GHR: variants seen among roughly 807,000 people sequenced by gnomAD.
GHR encodes the protein growth hormone receptor, also known as GH receptor.
Under a neutral mutation model 67.1 loss-of-function variants are expected in GHR, and 35 were observed. That is an observed-to-expected ratio of 0.52 (90% confidence interval 0.40 to 0.69). The LOEUF is 0.69. Ranked by LOEUF, GHR falls within the 30% of genes least tolerant of loss-of-function variation. The pLI is 0.00. For synonymous variants in GHR, 272 were observed against 269.1 expected (o/e 1.01, Z -0.10); for missense variants, 792 against 764.6 (o/e 1.04, Z -0.42).
At chr5:42,548,396 C>G (rs1348364673) in intron 1 of GHR, 1 of 984,984 alleles carries the variant, frequency 1.0e-6, no homozygotes, top group Non-Finnish European at 1.2e-6. Flanking sequence ...AGATTTTAAC[C>G]AAATCAGTGT....
At chr5:42,670,057 T>C (rs1384717836) in intron 3 of GHR, among the ~76,000 whole-genome samples, 1 of 152,230 alleles carries the variant, frequency 6.6e-6, no homozygotes, top group Non-Finnish European at 1.5e-5. Flanking sequence ...AGACTCTGAA[T>C]AGCCAAAGCA....
intron 1 of GHR, among the ~76,000 whole-genome samples, chr5:42,479,445 G>A (rs1256269471): frequency 6.6e-6 from 1 of 152,214 alleles, no homozygotes; most frequent in Non-Finnish European, 1.5e-5. Flanking sequence ...GATTGGAATA[G>A]TTTCAGAAGG....
At chr5:42,649,420 ATTAAT>A (rs1386899714) in intron 3 of GHR, among the ~76,000 whole-genome samples, 1 of 152,222 alleles carries the variant, frequency 6.6e-6, no homozygotes, top group African/African-American at 2.4e-5. Context: ...AATAACAATG[ATTAAT>A]TTAAGTTACT....
chr5:42,424,644 A>C lies in GHR; in HGVS notation c.-12+689A>C, dbSNP rs1363983202. The C allele has an allele frequency of 6.6e-7, 1 of 1,506,144 alleles. No homozygotes were observed. The highest frequency in any genetic ancestry group is 2.5e-5 in the East Asian group (1 of 40,722). 93.3% of individuals were successfully genotyped at this position (1,506,144 alleles called of 1,614,324 possible). On this transcript the variant is annotated intron_variant, in intron 1 of 9. Transcript: ENST00000230882. The surrounding 1 kb of genome is among the most constrained non-coding windows in gnomAD (Gnocchi z 4.1). ...GCCGACCTCCCCCAGCTTTTGACACACTAGTGGTTGTAAAATCAACCAGGC... is the reference window on the plus strand; with the variant it reads ...GCCGACCTCCCCCAGCTTTTGACACCCTAGTGGTTGTAAAATCAACCAGGC...
chr5:42,590,373 G>T (rs996914814), intron 2 of GHR, among the ~76,000 whole-genome samples: 1 of 151,796 alleles, frequency 6.6e-6, no homozygotes, highest in Non-Finnish European at 1.5e-5. Flanking sequence ...TCTCTGCTGG[G>T]GAAATTTTTT....
At chr5:42,569,596 A>AGT (rs144197677) in intron 2 of GHR, among the ~76,000 whole-genome samples, 18 of 152,076 alleles carry the variant, frequency 1.2e-4, no homozygotes, top group East Asian at 3.9e-4. Flanking sequence ...ATGATGGAAT[A>AGT]GTGTGTGTGT....
At chr5:42,625,235 A>G (rs1205499392) in intron 2 of GHR, among the ~76,000 whole-genome samples, 2 of 151,908 alleles carry the variant, frequency 1.3e-5, no homozygotes, top group East Asian at 3.9e-4. Flanking sequence ...GCACATCTTT[A>G]TTTTATTTCT....
intron 2 of GHR, among the ~76,000 whole-genome samples, chr5:42,568,378 T>G (rs982641229): frequency 6.6e-6 from 1 of 152,196 alleles, no homozygotes; most frequent in Non-Finnish European, 1.5e-5. Context: ...AAGCTCTATA[T>G]CTGCTCCTCA....
chr5:42,712,487 T>C (rs193138244), intron 7 of GHR, among the ~76,000 whole-genome samples: 1 of 152,288 alleles, frequency 6.6e-6, no homozygotes. Context: ...TTATAGACAC[T>C]ACAAGACAAA....
At chr5:42,511,798 C>T (rs952927365) in intron 1 of GHR, among the ~76,000 whole-genome samples, 3 of 152,048 alleles carry the variant, frequency 2.0e-5, no homozygotes, top group Non-Finnish European at 4.4e-5. Context: ...CACTACCCTT[C>T]GGGGTATTCA....
chr5:42,662,042 C>A (rs548147668), intron 3 of GHR, among the ~76,000 whole-genome samples: 10 of 152,310 alleles, frequency 6.6e-5, no homozygotes, highest in African/African-American at 2.4e-4. Flanking sequence ...ATCAATTCAA[C>A]AAGAAGAGCT....
At chr5:42,658,182 G>C (rs1461776730) in intron 3 of GHR, among the ~76,000 whole-genome samples, 1 of 152,066 alleles carries the variant, frequency 6.6e-6, no homozygotes, top group African/African-American at 2.4e-5. Flanking sequence ...AAACCGATAA[G>C]TTTCTGAACC....
intron 3 of GHR, among the ~76,000 whole-genome samples, chr5:42,659,534 A>T (rs1164639443): frequency 6.6e-6 from 1 of 152,188 alleles, no homozygotes; most frequent in Non-Finnish European, 1.5e-5. Context: ...GGATGTTAGC[A>T]CTATGCCATG....
chr5:42,457,856 C>T (rs901693987), intron 1 of GHR, among the ~76,000 whole-genome samples: 1 of 152,112 alleles, frequency 6.6e-6, no homozygotes, highest in South Asian at 2.1e-4. Context: ...TTCAAAATAG[C>T]GTTAGTAAGC....
intron 5 of GHR, among the ~76,000 whole-genome samples, chr5:42,696,463 A>T (rs912116230): frequency 6.6e-6 from 1 of 152,224 alleles, no homozygotes; most frequent in South Asian, 2.1e-4. Flanking sequence ...ATTTTTAAAA[A>T]AGTGATGACC....
chr5:42,561,947 T>G (rs952714698), intron 1 of GHR, among the ~76,000 whole-genome samples: 2 of 152,188 alleles, frequency 1.3e-5, no homozygotes, highest in African/African-American at 4.8e-5. Context: ...TTGAGTAGAC[T>G]CCTGTACCTC....
chr5:42,553,270 G>T (rs1460984290), intron 1 of GHR, among the ~76,000 whole-genome samples: 1 of 152,168 alleles, frequency 6.6e-6, no homozygotes, highest in Non-Finnish European at 1.5e-5. Context: ...GGCCTCTAGG[G>T]ATGAATTTTC....
intron 1 of GHR, among the ~76,000 whole-genome samples, chr5:42,547,463 A>G (rs1264116161): frequency 1.3e-5 from 2 of 151,782 alleles, no homozygotes; most frequent in Non-Finnish European, 2.9e-5. Flanking sequence ...AAAGCTCCAG[A>G]GCTAGAAAGC....
At position 42,633,132 on chromosome 5, in the gene GHR, T is replaced by C. The variant is rs76732861; in HGVS notation, c.136+4029T>C. On this transcript the variant is annotated intron_variant, in intron 3 of 9. Coordinates refer to ENST00000230882, the MANE Select transcript of GHR (RefSeq NM_000163.5). ...TGATTGCACATCTTTCTGAGGGAGATTTTTCCCCTATTTTTAAAAGTCATT... is the reference window on the plus strand; with the variant it reads ...TGATTGCACATCTTTCTGAGGGAGACTTTTCCCCTATTTTTAAAAGTCATT... Among the ~76,000 whole-genome samples, 1,294 of 148,908 alleles carry C rather than the reference T, an allele frequency of 8.7e-3. 100 individuals are homozygous for C. The East Asian group carries it at 0.19, about 22-fold the overall frequency.
Sources: gnomAD v4.1 joint callset for allele counts (sites outside exome capture counted in the v4.1 genomes callset) on GRCh38, gnomAD v4.1.1 for gene constraint, Gnocchi (gnomAD v3.1) non-coding constraint, MANE v1.5 for transcripts, NCBI Gene and HGNC (gene_info 2026-07-23, HGNC 2026-07-21) for gene names.